ZNF184: variants seen among roughly 807,000 people sequenced by gnomAD.
ZNF184 encodes zinc finger protein 184.
ZNF184 carries 16 observed loss-of-function variants against 54.4 expected under a neutral mutation model. The ratio of observed to expected loss-of-function variants is 0.29; its 90% CI spans 0.20 to 0.45. The LOEUF is 0.45. ZNF184 is among the 20% of genes least tolerant of loss of function. ZNF184 has a pLI of 1.00. For synonymous variants in ZNF184, 254 were observed against 295.3 expected (o/e 0.86, Z 1.43); for missense variants, 681 against 888.2 (o/e 0.77, Z 2.97).
chr6:27,439,790 G>C, the ZNF184 span, among the ~76,000 whole-genome samples: 2 of 152,158 alleles, frequency 1.3e-5, no homozygotes, highest in African/African-American at 2.4e-5. Context: ...GGGAAAAGCA[G>C]TACAGTATGT....
At chr6:27,456,265 G>GA (rs5875142) in intron 5 of ZNF184, among the ~76,000 whole-genome samples, 210 of 149,158 alleles carry the variant, frequency 1.4e-3, no homozygotes, top group African/African-American at 4.0e-3. Flanking sequence ...TTCAAAAAAA[G>GA]AAAAAAAAAA....
At chr6:27,445,890 T>C (rs1163044045), downstream of ZNF184, among the ~76,000 whole-genome samples, 1 of 152,154 alleles carries the variant, frequency 6.6e-6, no homozygotes, top group East Asian at 1.9e-4. Flanking sequence ...AGTGCAGAAC[T>C]TAACAGTGAC....
the ZNF184 span, among the ~76,000 whole-genome samples, chr6:27,416,204 T>C: frequency 6.6e-6 from 1 of 152,202 alleles, no homozygotes; most frequent in Non-Finnish European, 1.5e-5. Flanking sequence ...ATAAAACATA[T>C]AACAGTGTCC....
chr6:27,467,865 T>C lies in ZNF184; in HGVS notation c.63A>G (p.Ser21=), dbSNP rs1312177615. Residue 21 remains serine, a synonymous_variant, in exon 3 of 6, where the codon TCA becomes TCG. Coordinates refer to ENST00000683788, the MANE Select transcript of ZNF184 (RefSeq NM_001318891.2). The part of the protein sequence containing the change: ...LLQGGHNLLS[S]ASFQEAVTFK... ...AACCACATCTTACCTGAAAACTGGC[T>C]GATGAGAGTAGATTATGTCCCCCTT... 1 of 1,611,648 alleles carries C rather than the reference T, an allele frequency of 6.2e-7. No homozygotes were observed. The highest frequency in any genetic ancestry group is 1.1e-5 in the South Asian group (1 of 90,588).
At position 27,451,286 on chromosome 6, in the gene ZNF184, T is replaced by C; in HGVS notation, c.*17A>G. ...AAAGTAAATATCTCCCCTAAATTTA[T>C]GATGTTCCTAGAATTGTCATATGCC... On this transcript the variant is annotated 3_prime_UTR_variant, in exon 6 of 6. Coordinates refer to ENST00000683788, the MANE Select transcript of ZNF184 (RefSeq NM_001318891.2). 6.4e-7 allele frequency: 1 copy of C among 1,553,880 alleles called. No homozygotes were observed. The highest frequency in any genetic ancestry group is 1.4e-5 in the African/African-American group (1 of 72,602).
intron 2 of ZNF184, 73 bp from the exon 3 acceptor site, chr6:27,467,993 A>G (rs1763185087): frequency 1.6e-6 from 2 of 1,218,462 alleles, no homozygotes; most frequent in Non-Finnish European, 2.3e-6. Context: ...AATTCCATTT[A>G]CTCTTCTATT....
Position 27,451,073 on chromosome 6 carries a change from C to A in ZNF184, c.*230G>T. On this transcript the variant is annotated 3_prime_UTR_variant, in exon 6 of 6. Transcript: ENST00000683788. Reference sequence around the variant, plus strand: ...TTGAAATAATCTACTCCAAATCCTTCATTCCATAAAGGAAACTAAAGCTTA... The same window carrying A: ...TTGAAATAATCTACTCCAAATCCTTAATTCCATAAAGGAAACTAAAGCTTA... 2.3e-6 allele frequency: 1 copy of A among 435,478 alleles called. No individual in the cohort carries two copies. The highest frequency in any genetic ancestry group is 4.0e-6 in the Non-Finnish European group (1 of 250,366). The allele number at this position is 435,478 out of a possible 1,614,324, so 27.0% of individuals were successfully genotyped here.
chr6:27,423,561 G>C, the ZNF184 span, among the ~76,000 whole-genome samples: 4 of 151,706 alleles, frequency 2.6e-5, no homozygotes, highest in Non-Finnish European at 5.9e-5. Context: ...CATTTTCCTT[G>C]CTAACCCCTC....
the ZNF184 span, among the ~76,000 whole-genome samples, chr6:27,411,698 T>C: frequency 2.0e-5 from 3 of 152,248 alleles, no homozygotes; most frequent in South Asian, 6.2e-4. Context: ...ATTAAGGGTC[T>C]TTTAATGTGG....
chr6:27,449,534 C>T (rs1386321574), downstream of ZNF184, among the ~76,000 whole-genome samples: 3 of 152,172 alleles, frequency 2.0e-5, no homozygotes, highest in East Asian at 5.8e-4. Context: ...AGGAGGACTG[C>T]CTGAGGCCAG....
At chr6:27,443,771 C>G in the ZNF184 span, among the ~76,000 whole-genome samples, 35 of 152,194 alleles carry the variant, frequency 2.3e-4, no homozygotes, top group East Asian at 6.6e-3. Flanking sequence ...GCTTTTCTAA[C>G]TCCCTTCCCA....
At chr6:27,412,321 C>T in the ZNF184 span, among the ~76,000 whole-genome samples, 3 of 152,158 alleles carry the variant, frequency 2.0e-5, no homozygotes, top group South Asian at 4.1e-4. Context: ...AGAGCTGGGC[C>T]AGTTGGGTCA....
At position 27,456,216 on chromosome 6, in the gene ZNF184, C is replaced by T. The variant is rs973022087; in HGVS notation, c.298+610G>A. 2.6e-5 allele frequency among the ~76,000 whole-genome samples: 4 copies of T among 151,588 alleles called. No homozygotes were observed. The Middle Eastern group carries it at 0.01, about 387-fold the overall frequency. ...GAAGCTGCAGTGAGCCAAGATTACGCCACTGCACTACAGCCTGGGCAACAG... is the reference window on the plus strand; with the variant it reads ...GAAGCTGCAGTGAGCCAAGATTACGTCACTGCACTACAGCCTGGGCAACAG... On this transcript the variant is annotated intron_variant, in intron 5 of 5. Transcript: ENST00000683788.
At chr6:27,454,516 AG>A (rs1387996253) in intron 5 of ZNF184, among the ~76,000 whole-genome samples, 3 of 152,276 alleles carry the variant, frequency 2.0e-5, no homozygotes, top group East Asian at 1.9e-4. Context: ...TTTGCAAAGC[AG>A]GTAGCCATAA....
At chr6:27,407,800 A>G in the ZNF184 span, 1 of 778,214 alleles carries the variant, frequency 1.3e-6, no homozygotes, top group Non-Finnish European at 2.4e-6. Context: ...ATGCACGATT[A>G]TGATGGCAAT....
At chr6:27,423,720 T>C in the ZNF184 span, among the ~76,000 whole-genome samples, 1 of 151,536 alleles carries the variant, frequency 6.6e-6, no homozygotes, top group East Asian at 1.9e-4. Flanking sequence ...TTTAGATATT[T>C]ATATATCTAT....
At chr6:27,423,124 C>T in the ZNF184 span, among the ~76,000 whole-genome samples, 1 of 152,334 alleles carries the variant, frequency 6.6e-6, no homozygotes, top group South Asian at 2.1e-4. Flanking sequence ...CCTCAGTCTG[C>T]GAACTACAAT....
chr6:27,447,475 G>A (rs940657030), downstream of ZNF184, among the ~76,000 whole-genome samples: 3 of 152,210 alleles, frequency 2.0e-5, no homozygotes, highest in East Asian at 5.8e-4. Flanking sequence ...CACTTTGGGA[G>A]GCCGAGGCAG....
At chr6:27,457,504 A>C (rs1309668399) in intron 3 of ZNF184, 95 bp from the exon 4 acceptor site, 1 of 1,333,536 alleles carries the variant, frequency 7.5e-7, no homozygotes, top group African/African-American at 1.5e-5. Flanking sequence ...AGTCTATAGG[A>C]TGTCTGCAAA....
Sources: gnomAD v4.1 joint callset for allele counts (sites outside exome capture counted in the v4.1 genomes callset) on GRCh38, gnomAD v4.1.1 for gene constraint, MANE v1.5 for transcripts, NCBI Gene and HGNC (gene_info 2026-07-23, HGNC 2026-07-21) for gene names.